Variants in VWC2 observed in about 807,000 individuals in gnomAD.
VWC2 encodes brorin.
Under a neutral mutation model 29.8 loss-of-function variants are expected in VWC2, and 14 were observed. The ratio of observed to expected loss-of-function variants is 0.47; its 90% CI spans 0.31 to 0.74. The LOEUF is 0.74. Among genes scored for constraint, VWC2 ranks in the 30% least tolerant of loss-of-function variants. The pLI is 0.05. For synonymous variants in VWC2, 213 were observed against 199.0 expected (o/e 1.07, Z -0.59); for missense variants, 457 against 459.8 (o/e 0.99, Z 0.05).
intron 2 of VWC2, among the ~76,000 whole-genome samples, chr7:49,800,870 A>T (rs1004150438): frequency 6.7e-6 from 1 of 150,348 alleles, no homozygotes; most frequent in Non-Finnish European, 1.5e-5. Context: ...AAAAAAAAAA[A>T]ACCTAATTGT....
chr7:49,849,052 G>T (rs1362785983), intron 3 of VWC2, among the ~76,000 whole-genome samples: 2 of 152,144 alleles, frequency 1.3e-5, no homozygotes, highest in African/African-American at 4.8e-5. Context: ...CTTCATGTAT[G>T]ACAAATGTGT....
intron 3 of VWC2, among the ~76,000 whole-genome samples, chr7:49,862,272 A>C (rs2128720569): frequency 6.6e-6 from 1 of 152,096 alleles, no homozygotes; most frequent in Non-Finnish European, 1.5e-5. Context: ...TTTTCAAATT[A>C]TTCATTGCCA....
At chr7:49,786,685 TG>T (rs1788306287) in intron 2 of VWC2, among the ~76,000 whole-genome samples, 1 of 152,222 alleles carries the variant, frequency 6.6e-6, no homozygotes, top group South Asian at 2.1e-4. Context: ...CTGACTGGTG[TG>T]AGATAGTATC....
chr7:49,775,883 T>A lies in VWC2; in HGVS notation c.448T>A (p.Tyr150Asn). The A allele has an allele frequency of 6.4e-7, 1 of 1,558,378 alleles. No homozygotes were observed. Among genetic ancestry groups the A allele is most frequent in the Non-Finnish European group, 8.7e-7 (1 of 1,152,008 alleles). Residue 150 changes from tyrosine to asparagine, a missense_variant, in exon 2 of 4, where the codon TAC becomes AAC. By Grantham distance (143) the Tyr-to-Asn change is moderately radical. This residue lies in a region of VWC2 where 185 missense variants were observed against 257.1 expected (regional missense o/e 0.72). Transcript: ENST00000340652. ...EPPEEYVYPD[Y>N]RGKGCVDESG... ...ACCCGAGGAGTACGTGTACCCGGAC[T>A]ACCGTGGCAAGGGCTGCGTGGACGA... is the stretch of plus-strand genomic sequence containing the variant.
At chr7:49,775,042 C>T (rs1246755515) in intron 1 of VWC2, among the ~76,000 whole-genome samples, 2 of 151,972 alleles carry the variant, frequency 1.3e-5, no homozygotes, top group Non-Finnish European at 2.9e-5. Flanking sequence ...GCGGGCCTGG[C>T]TCGCTGCGTT....
intron 3 of VWC2, among the ~76,000 whole-genome samples, chr7:49,907,251 G>A (rs1202561826): frequency 6.6e-6 from 1 of 152,192 alleles, no homozygotes; most frequent in African/African-American, 2.4e-5. Context: ...CATAATGGCT[G>A]GAGGTGGGAG....
intron 3 of VWC2, among the ~76,000 whole-genome samples, chr7:49,807,678 A>G (rs928223104): frequency 6.6e-6 from 1 of 152,220 alleles, no homozygotes; most frequent in African/African-American, 2.4e-5. Flanking sequence ...TAATGCTTTT[A>G]GAGGAAAACA....
rs1467437232 is a variant in VWC2, at chr7:49,859,806, A to G, written c.827-52228A>G. ...CGCGTGCGTGCACACACACACACAC[A>G]CACACACACACACACACACTCACTC... On this transcript the variant is annotated intron_variant, in intron 3 of 3. Coordinates refer to ENST00000340652, the MANE Select transcript of VWC2 (RefSeq NM_198570.5). 5.0e-3 allele frequency among the ~76,000 whole-genome samples: 738 copies of G among 148,318 alleles called. 4 individuals are homozygous for G. Among genetic ancestry groups the G allele is most frequent in the African/African-American group, 0.018 (672 of 37,798 alleles).
intron 3 of VWC2, among the ~76,000 whole-genome samples, chr7:49,826,850 TATATAA>T (rs1418803370): frequency 2.0e-5 from 3 of 152,154 alleles, no homozygotes; most frequent in African/African-American, 7.2e-5. Flanking sequence ...ATGGGTGGAC[TATATAA>T]ATATACTTTT....
chr7:49,852,355 C>A (rs475180), intron 3 of VWC2, among the ~76,000 whole-genome samples: 8,024 of 152,214 alleles, frequency 0.053, 693 homozygotes, highest in African/African-American at 0.18. Context: ...AAAGAAGAGG[C>A]CTGGCAGGCA....
intron 3 of VWC2, among the ~76,000 whole-genome samples, chr7:49,849,196 TG>T (rs1435224092): frequency 3.3e-5 from 5 of 152,292 alleles, no homozygotes; most frequent in African/African-American, 7.2e-5. Flanking sequence ...GCCTCGGCTG[TG>T]GGGGGAAACC....
rs1788042333 is a variant in VWC2, at chr7:49,775,855, G to A, written c.420G>A (p.Glu140=). 1 of 1,553,164 alleles carries A rather than the reference G, an allele frequency of 6.4e-7. No homozygotes were observed. Among genetic ancestry groups the A allele is most frequent in the Non-Finnish European group, 8.7e-7 (1 of 1,149,288 alleles). ...GCCCGGAACTCGCGCCCACGCCCGA[G>A]CCACCCGAGGAGTACGTGTACCCGG... The part of the protein sequence containing the change: ...AIGPELAPTP[E]PPEEYVYPDY... Residue 140 remains glutamate (E), a synonymous_variant, in exon 2 of 4, where the codon GAG becomes GAA. Coordinates refer to ENST00000340652, the MANE Select transcript of VWC2 (RefSeq NM_198570.5).
chr7:49,810,465 T>A (rs925668091), intron 3 of VWC2, among the ~76,000 whole-genome samples: 1 of 152,112 alleles, frequency 6.6e-6, no homozygotes, highest in African/African-American at 2.4e-5. Context: ...CTTCCCAAAT[T>A]AAAATATAAA....
At chr7:49,810,135 A>G (rs1397425715) in intron 3 of VWC2, among the ~76,000 whole-genome samples, 1 of 151,964 alleles carries the variant, frequency 6.6e-6, no homozygotes, top group Non-Finnish European at 1.5e-5. Flanking sequence ...ATACACGTGC[A>G]TACACACACA....
chr7:49,808,468 A>C (rs1788925987), intron 3 of VWC2, among the ~76,000 whole-genome samples: 1 of 152,128 alleles, frequency 6.6e-6, no homozygotes, highest in Non-Finnish European at 1.5e-5. Flanking sequence ...TAATTCCTAG[A>C]AAATCTAGAC....
At chr7:49,832,733 C>G (rs1383228378) in intron 3 of VWC2, among the ~76,000 whole-genome samples, 1 of 152,188 alleles carries the variant, frequency 6.6e-6, no homozygotes, top group Non-Finnish European at 1.5e-5. Context: ...CCAACAGCCT[C>G]TCATCAACTG....
chr7:49,864,964 C>T (rs1790817312), intron 3 of VWC2, among the ~76,000 whole-genome samples: 1 of 152,146 alleles, frequency 6.6e-6, no homozygotes, highest in African/African-American at 2.4e-5. Flanking sequence ...GTTTGTTTTT[C>T]AGTGCTCCTG....
At chr7:49,833,110 A>C (rs1465943667) in intron 3 of VWC2, among the ~76,000 whole-genome samples, 1 of 152,210 alleles carries the variant, frequency 6.6e-6, no homozygotes, top group East Asian at 1.9e-4. Flanking sequence ...GCATTTGGGC[A>C]TGAGAGAAAG....
At chr7:49,852,561 C>T (rs1309809749) in intron 3 of VWC2, among the ~76,000 whole-genome samples, 1 of 151,748 alleles carries the variant, frequency 6.6e-6, no homozygotes, top group African/African-American at 2.4e-5. Flanking sequence ...GGGGATAATG[C>T]TATTTAGTGG....
Sources: gnomAD v4.1 joint callset for allele counts (sites outside exome capture counted in the v4.1 genomes callset) on GRCh38, gnomAD v4.1.1 for gene constraint, gnomAD v4.1.1 regional missense constraint, MANE v1.5 for transcripts, NCBI Gene and HGNC (gene_info 2026-07-23, HGNC 2026-07-21) for gene names.